CDH13: variants seen among roughly 807,000 people sequenced by gnomAD.
CDH13 encodes the protein cadherin 13.
Under a neutral mutation model 63.8 loss-of-function variants are expected in CDH13, and 24 were observed. That is an observed-to-expected ratio of 0.38 (90% CI 0.27 to 0.53). The LOEUF is 0.53. CDH13 is among the 20% of genes least tolerant of loss of function. The pLI is 0.85. For missense variants in CDH13, 1,049 were observed against 903.1 expected, an observed-to-expected ratio of 1.16 and a Z score of -2.07; for synonymous variants, 503 against 355.3, an observed-to-expected ratio of 1.42 and a Z score of -4.67.
At chr16:83,309,604 T>A (rs1450471563) in intron 5 of CDH13, among the ~76,000 whole-genome samples, 1 of 151,952 alleles carries the variant, frequency 6.6e-6, no homozygotes. Context: ...CTCGAACTCC[T>A]GACCTCGTGA....
chr16:83,357,791 G>C lies in CDH13; in HGVS notation c.781+12785G>C, dbSNP rs572153154. Among the ~76,000 whole-genome samples the C allele has an allele frequency of 2.6e-5, 4 of 152,276 alleles. No homozygotes were observed. The South Asian group carries it at 8.3e-4, about 32-fold the overall frequency. On this transcript the variant is annotated intron_variant, in intron 6 of 13. Coordinates refer to ENST00000567109, the MANE Select transcript of CDH13 (RefSeq NM_001257.5). ...AGTTATAAAGCCCAAATGTAAAGTT[G>C]GCAGGAGAGATGCTACAAATTGTAG...
rs531231960 is a variant in CDH13 at position 83,483,176 on chromosome 16, A to G, written c.782-3301A>G. 1.3e-4 allele frequency among the ~76,000 whole-genome samples: 20 copies of G among 152,328 alleles called. 1 individual carries two copies. In the South Asian group the frequency reaches 1.9e-3, roughly 14 times the overall value. ...CGTCACCTCAGAGTCGTTGTCTTCA[A>G]TGCTGCAAACCTATTTACATAACTC... On this transcript the variant is annotated intron_variant, in intron 6 of 13. Transcript: ENST00000567109.
intron 2 of CDH13, among the ~76,000 whole-genome samples, chr16:82,991,449 A>G (rs1395868240): frequency 6.6e-6 from 1 of 151,938 alleles, no homozygotes. Flanking sequence ...ACAGATTTCA[A>G]CTCCTTCACT....
chr16:83,741,500 A>G (rs62047484), intron 10 of CDH13, among the ~76,000 whole-genome samples: 6,688 of 149,822 alleles, frequency 0.045, 191 homozygotes, highest in Non-Finnish European at 0.061. Flanking sequence ...ATATATATAT[A>G]TGTGTGTGTG....
intron 10 of CDH13, among the ~76,000 whole-genome samples, chr16:83,732,719 C>T (rs192937149): frequency 1.3e-5 from 2 of 152,282 alleles, no homozygotes; most frequent in Non-Finnish European, 2.9e-5. Context: ...TCTCATCCCC[C>T]TTGCTAATCT....
At chr16:83,325,219 A>G (rs1409110227) in intron 5 of CDH13, among the ~76,000 whole-genome samples, 1 of 152,214 alleles carries the variant, frequency 6.6e-6, no homozygotes, top group African/African-American at 2.4e-5. Context: ...TTTAATTATT[A>G]CAAACCAAAA....
intron 10 of CDH13, among the ~76,000 whole-genome samples, chr16:83,742,230 G>A (rs1366905525): frequency 6.6e-6 from 1 of 152,196 alleles, no homozygotes; most frequent in Non-Finnish European, 1.5e-5. Context: ...AGGGGGCCCT[G>A]CTGAGAGTGA....
chr16:83,476,815 T>C (rs1047867461), intron 6 of CDH13, among the ~76,000 whole-genome samples: 1 of 152,234 alleles, frequency 6.6e-6, no homozygotes, highest in Non-Finnish European at 1.5e-5. Flanking sequence ...ATTTTTATTA[T>C]TAGTTTGGAA....
At chr16:83,733,324 C>G (rs944576815) in intron 10 of CDH13, among the ~76,000 whole-genome samples, 1 of 152,196 alleles carries the variant, frequency 6.6e-6, no homozygotes, top group Admixed American at 6.5e-5. Context: ...TGGGTGAGCT[C>G]TCTCCTTGTG....
intron 4 of CDH13, among the ~76,000 whole-genome samples, chr16:83,208,376 C>G (rs530599938): frequency 2.0e-5 from 3 of 152,248 alleles, no homozygotes; most frequent in Admixed American, 6.5e-5. Context: ...TAACCCACAG[C>G]TGAGAATTAA....
chr16:83,404,870 C>G (rs977371670), intron 6 of CDH13, among the ~76,000 whole-genome samples: 4 of 152,158 alleles, frequency 2.6e-5, no homozygotes, highest in Admixed American at 6.5e-5. Flanking sequence ...TCCTCATTCT[C>G]TTTAATGGCT....
intron 1 of CDH13, among the ~76,000 whole-genome samples, chr16:82,831,333 C>G (rs191782571): frequency 1.3e-5 from 2 of 152,130 alleles, no homozygotes; most frequent in Non-Finnish European, 2.9e-5. Context: ...TGCTTTCATC[C>G]AGAATCCTAA....
At chr16:83,567,988 T>C (rs1904300521) in intron 7 of CDH13, among the ~76,000 whole-genome samples, 1 of 152,158 alleles carries the variant, frequency 6.6e-6, no homozygotes, top group Non-Finnish European at 1.5e-5. Context: ...CCACATTCAC[T>C]TGGGGAATCA....
intron 2 of CDH13, among the ~76,000 whole-genome samples, chr16:82,935,878 C>G (rs2042651400): frequency 6.6e-6 from 1 of 152,144 alleles, no homozygotes; most frequent in South Asian, 2.1e-4. Context: ...AAACAGCTTC[C>G]TCTATAGAGG....
intron 9 of CDH13, 56 bp downstream of exon 9, chr16:83,671,028 A>G (rs1914455748): frequency 2.1e-6 from 3 of 1,423,586 alleles, no homozygotes; most frequent in Non-Finnish European, 2.9e-6. Flanking sequence ...GGGCCCCATG[A>G]GGCAGCTCAT....
intron 2 of CDH13, among the ~76,000 whole-genome samples, chr16:82,881,072 T>C (rs1351530278): frequency 1.3e-5 from 2 of 152,228 alleles, no homozygotes; most frequent in East Asian, 1.9e-4. Flanking sequence ...ATTTATAACA[T>C]TCATTTTCAG....
At chr16:83,276,700 C>A (rs1208944389) in intron 5 of CDH13, among the ~76,000 whole-genome samples, 3 of 152,014 alleles carry the variant, frequency 2.0e-5, no homozygotes, top group Non-Finnish European at 4.4e-5. Flanking sequence ...GAAACCCTGT[C>A]TCTACTAAAA....
chr16:83,299,220 C>T (rs1195715335), intron 5 of CDH13, among the ~76,000 whole-genome samples: 3 of 151,164 alleles, frequency 2.0e-5, no homozygotes, highest in South Asian at 2.1e-4. Flanking sequence ...GAAGATACCA[C>T]AGTGTGGATG....
At chr16:83,184,329 G>C (rs1017077168) in intron 4 of CDH13, among the ~76,000 whole-genome samples, 1 of 152,070 alleles carries the variant, frequency 6.6e-6, no homozygotes, top group East Asian at 1.9e-4. Context: ...AAACTCTGTC[G>C]ACTCTTTGCT....
Sources: gnomAD v4.1 joint callset for allele counts (sites outside exome capture counted in the v4.1 genomes callset) on GRCh38, gnomAD v4.1.1 for gene constraint, MANE v1.5 for transcripts, NCBI Gene and HGNC (gene_info 2026-07-23, HGNC 2026-07-21) for gene names.